The following WDR59 variants were observed in gnomAD, a reference collection of about 807,000 sequenced individuals.
WDR59 encodes WD repeat domain 59.
WDR59 carries 100 observed loss-of-function variants against 131.2 expected under a neutral mutation model. The ratio of observed to expected loss-of-function variants is 0.76; its 90% CI spans 0.65 to 0.90. The LOEUF (loss-of-function observed/expected upper bound fraction) is 0.90, where lower values mean the gene tolerates loss of function less well. Ranked by LOEUF, WDR59 falls within the 40% of genes least tolerant of loss-of-function variation. The probability of loss-of-function intolerance (pLI) is 0.00; values close to 1 mark genes in which losing one functional copy is unlikely to be tolerated. For synonymous variants in WDR59, 601 were observed against 466.2 expected, an observed-to-expected ratio of 1.29 and a Z score of -3.72; for missense variants, 1,203 against 1,262.2, an observed-to-expected ratio of 0.95 and a Z score of 0.71.
At chr16:74,947,594 T>C (rs184678627) in intron 6 of WDR59, among the ~76,000 whole-genome samples, 1 of 152,106 alleles carries the variant, frequency 6.6e-6, no homozygotes, top group Non-Finnish European at 1.5e-5. Flanking sequence ...TTCAAACAAT[T>C]TGTAACTAAA....
At chr16:74,938,830 GC>G in intron 7 of WDR59, among the ~76,000 whole-genome samples, 1 of 150,008 alleles carries the variant, frequency 6.7e-6, no homozygotes, top group African/African-American at 2.4e-5. Context: ...GATCCACTGT[GC>G]CCGGCCTCAC....
At chr16:74,949,004 AAAAG>A (rs764836419) in intron 5 of WDR59, among the ~76,000 whole-genome samples, 45 of 152,154 alleles carry the variant, frequency 3.0e-4, no homozygotes, top group Non-Finnish European at 4.4e-4. Context: ...GTCTCAGAAA[AAAAG>A]AAAGAAAGAA....
intron 18 of WDR59, among the ~76,000 whole-genome samples, chr16:74,895,086 T>C (rs1041749383): frequency 6.6e-6 from 1 of 152,214 alleles, no homozygotes. Flanking sequence ...AGTTGTCCAA[T>C]GCATGTAACT....
chr16:74,969,771 G>C (rs1274295958), intron 1 of WDR59, among the ~76,000 whole-genome samples: 1 of 151,754 alleles, frequency 6.6e-6, no homozygotes, highest in Non-Finnish European at 1.5e-5. Context: ...TGTTTCCCAG[G>C]CTGGTCTTGA....
chr16:74,949,614 T>C (rs1021265001), intron 5 of WDR59, 104 bp downstream of exon 5: 1 of 921,830 alleles, frequency 1.1e-6, no homozygotes, highest in African/African-American at 1.7e-5. Context: ...CAAACTTGTC[T>C]CGAGGTCTGT....
chr16:74,930,726 C>G (rs2031298512), intron 8 of WDR59: 1 of 151,706 alleles, frequency 6.6e-6, no homozygotes, highest in Non-Finnish European at 1.5e-5. Flanking sequence ...AACTCTGTCT[C>G]TACCAAAAAT....
At chr16:74,978,382 T>C (rs1184519310) in intron 1 of WDR59, among the ~76,000 whole-genome samples, 1 of 150,822 alleles carries the variant, frequency 6.6e-6, no homozygotes, top group Non-Finnish European at 1.5e-5. Flanking sequence ...GACTCAGTTA[T>C]TCAGGAGGCT....
At chr16:74,971,270 T>G (rs1352953471) in intron 1 of WDR59, among the ~76,000 whole-genome samples, 1 of 152,042 alleles carries the variant, frequency 6.6e-6, no homozygotes, top group Non-Finnish European at 1.5e-5. Context: ...AATAGCTCAC[T>G]GCATGCTGTG....
chr16:74,951,325 T>C (rs1280551146), intron 4 of WDR59, 133 bp downstream of exon 4: 5 of 819,958 alleles, frequency 6.1e-6, no homozygotes, highest in Non-Finnish European at 1.0e-5. Context: ...TGAATGCTAA[T>C]AACCCGCTGA....
Position 74,874,402 on chromosome 16 carries a change from C to G in WDR59, c.2732G>C (p.Gly911Ala). ...YCSHCRSEVR[G>A]TQCAICKGFT... is the part of the protein sequence containing the mutation. ...GCCTTTGCAGATGGCACACTGCGTG[C>G]CACGGACCTCACTCCGGCAGTGGCT... Residue 911 changes from glycine (G) to alanine (A), a missense_variant, in exon 26 of 26, where the codon GGC becomes GCC. By Grantham distance (60) the Gly-to-Ala change is moderately conservative. Coordinates refer to ENST00000262144, the MANE Select transcript of WDR59 (RefSeq NM_030581.4). The G allele has an allele frequency of 6.2e-7, 1 of 1,614,080 alleles. No homozygotes were observed. The highest frequency in any genetic ancestry group is 8.5e-7 in the Non-Finnish European group (1 of 1,180,026).
At chr16:74,920,740 G>A (rs1306771795) in intron 10 of WDR59, among the ~76,000 whole-genome samples, 6 of 152,050 alleles carry the variant, frequency 3.9e-5, no homozygotes, top group African/African-American at 9.7e-5. Context: ...TGGGTTTATC[G>A]GGACATAACC....
chr16:74,911,159 C>G (rs28558162), intron 14 of WDR59, among the ~76,000 whole-genome samples: 2,136 of 152,226 alleles, frequency 0.014, 54 homozygotes, highest in African/African-American at 0.049. Context: ...CCACCGCACC[C>G]GGAAAAGGTC....
chr16:74,896,501 G>T (rs1336835027), intron 18 of WDR59, among the ~76,000 whole-genome samples: 1 of 152,124 alleles, frequency 6.6e-6, no homozygotes, highest in East Asian at 1.9e-4. Context: ...AGGGCATGGG[G>T]GCGTGGACCT....
chr16:74,892,444 A>C (rs747186901), intron 20 of WDR59, 40 bp downstream of exon 20: 10 of 1,537,774 alleles, frequency 6.5e-6, no homozygotes, highest in African/African-American at 2.8e-5. Flanking sequence ...TTTGCTCCTG[A>C]AGAAAAATCC....
intron 16 of WDR59, 70 bp downstream of exon 16, chr16:74,909,431 T>G: frequency 6.8e-7 from 1 of 1,468,446 alleles, no homozygotes; most frequent in Non-Finnish European, 9.0e-7. Flanking sequence ...TGAAGATGTT[T>G]ATACAGAATC....
In WDR59 at chr16:74,930,892, CAAAAAAAAAAAA is replaced by C. The variant is rs36074951; in HGVS notation, c.652-6901_652-6890del. 8.8e-5 allele frequency: 7 copies of C among 79,630 alleles called. No individual in the cohort carries two copies. In the Admixed American group the frequency reaches 1.2e-3, roughly 14 times the overall value. 4.9% of individuals were successfully genotyped at this position (79,630 alleles called of 1,614,324 possible). On this transcript the variant is annotated intron_variant, in intron 8 of 25. Coordinates refer to ENST00000262144, the MANE Select transcript of WDR59 (RefSeq NM_030581.4). ...TGGATGACAGAGAGAGACTCCATCT[CAAAAAAAAAAAA>C]AAAAAAAAAACAGAAAAGAAAAGAA... is the stretch of plus-strand genomic sequence containing the variant.
chr16:74,950,025 A>C (rs2032902849), intron 4 of WDR59: 1 of 581,946 alleles, frequency 1.7e-6, no homozygotes, highest in Admixed American at 2.2e-5. Flanking sequence ...CCAGAAAAGA[A>C]ATGGAGTGCT....
chr16:74,909,033 T>C (rs1965956205), intron 16 of WDR59, 56 bp from the exon 17 acceptor site: 1 of 1,500,466 alleles, frequency 6.7e-7, no homozygotes, highest in Non-Finnish European at 9.3e-7. Flanking sequence ...CCGTGGGAAA[T>C]CCTGAGGCAG....
At chr16:74,956,109 A>G (rs764862884) in intron 3 of WDR59, among the ~76,000 whole-genome samples, 1 of 152,102 alleles carries the variant, frequency 6.6e-6, no homozygotes, top group African/African-American at 2.4e-5. Context: ...TCAACTCCAC[A>G]CCAGCTCGCC....
Sources: allele counts gnomAD v4.1 joint callset (sites outside exome capture counted in the v4.1 genomes callset), GRCh38; gene constraint gnomAD v4.1.1; transcripts MANE v1.5; gene names NCBI Gene and HGNC (gene_info 2026-07-23, HGNC 2026-07-21).